KRTDAP: variants seen among roughly 807,000 people sequenced by gnomAD.
KRTDAP encodes keratinocyte differentiation associated protein.
KRTDAP carries 14 observed loss-of-function variants against 18.6 expected under a neutral mutation model. The observed-to-expected ratio is 0.75, with a 90% CI of 0.50 to 1.18. The LOEUF is 1.18. KRTDAP is among the 50% of genes most tolerant of loss of function. The probability of loss-of-function intolerance (pLI) is 0.00; values close to 1 mark genes in which losing one functional copy is unlikely to be tolerated. For missense variants in KRTDAP, 114 were observed against 121.3 expected, an observed-to-expected ratio of 0.94 and a Z score of 0.28; for synonymous variants, 53 against 49.5, an observed-to-expected ratio of 1.07 and a Z score of -0.29.
At chr19:35,489,820 A>T (rs1004495555) in intron 1 of KRTDAP, among the ~76,000 whole-genome samples, 1 of 152,144 alleles carries the variant, frequency 6.6e-6, no homozygotes, top group Non-Finnish European at 1.5e-5. Context: ...CAAATGAAGC[A>T]AAGAGGAGCT....
intron 2 of KRTDAP, 39 bp from the exon 3 acceptor site, chr19:35,488,742 A>G: frequency 6.2e-7 from 1 of 1,614,192 alleles, no homozygotes; most frequent in Middle Eastern, 1.6e-4. Flanking sequence ...GTTGCTAAGA[A>G]GCAAAAAGAG....
intron 4 of KRTDAP, among the ~76,000 whole-genome samples, chr19:35,488,088 C>T (rs1037794192): frequency 2.0e-5 from 3 of 152,166 alleles, no homozygotes; most frequent in Admixed American, 6.5e-5. Flanking sequence ...AGTCAGGAGA[C>T]GCGGGCCCCA....
Position 35,488,450 on chromosome 19 carries a change from G to A in KRTDAP, c.204C>T (p.Ala68=), listed in dbSNP as rs767638595. The A allele has an allele frequency of 2.5e-6, 4 of 1,612,940 alleles. No homozygotes were observed. Among genetic ancestry groups the A allele is most frequent in the South Asian group, 2.2e-5 (2 of 90,818 alleles). Residue 68 remains alanine (A), a synonymous_variant, in exon 4 of 6, where the codon GCC becomes GCT. Coordinates refer to ENST00000338897, the MANE Select transcript of KRTDAP (RefSeq NM_207392.3). Reference sequence around the variant, plus strand: ...GCGCCGGAGCACTCACCTCAAAGAGGGCGTGCCAGTTCAGGAACTCATCAG... The same window carrying A: ...GCGCCGGAGCACTCACCTCAAAGAGAGCGTGCCAGTTCAGGAACTCATCAG... ...FKADEFLNWH[A]LFESIKRKLP... is the part of the protein sequence containing the mutation.
At chr19:35,489,706 G>C (rs1042094331) in intron 1 of KRTDAP, among the ~76,000 whole-genome samples, 1 of 152,064 alleles carries the variant, frequency 6.6e-6, no homozygotes, top group Admixed American at 6.6e-5. Context: ...TAGGCATCAG[G>C]ATTCCTCTCT....
At chr19:35,489,567 C>T (rs758415747) in intron 1 of KRTDAP, among the ~76,000 whole-genome samples, 209 of 152,292 alleles carry the variant, frequency 1.4e-3, no homozygotes, top group Admixed American at 2.1e-3. Flanking sequence ...GTGAAAGCTG[C>T]CCTTTCAGAC....
Position 35,487,758 on chromosome 19 carries a change from G to T in KRTDAP, c.215C>A (p.Ser72Tyr). 1 of 1,611,826 alleles carries T rather than the reference G, an allele frequency of 6.2e-7. No individual in the cohort carries two copies. The highest frequency in any genetic ancestry group is 1.1e-5 in the South Asian group (1 of 91,032). ...GAGGAAAGGAAGTTTCCTTTTGATA[G>T]ACTAAAAGAAAGAAAGAGAAAGAGA... ...EFLNWHALFE[S>Y]IKRKLPFLNW... Residue 72 changes from serine (S) to tyrosine (Y), a missense_variant and splice_region_variant, in exon 5 of 6, where the codon TCT (serine) becomes TAT (tyrosine). Transcript: ENST00000338897.
At chr19:35,488,952 C>T (rs921209214) in intron 1 of KRTDAP, 112 bp from the exon 2 acceptor site, 8 of 984,474 alleles carry the variant, frequency 8.1e-6, no homozygotes, top group East Asian at 2.4e-5. Flanking sequence ...CCCGAAAGAA[C>T]GCAACCCATT....
intron 5 of KRTDAP, 113 bp from the exon 6 acceptor site, chr19:35,487,579 TA>T (rs2067498202): frequency 3.4e-6 from 4 of 1,169,184 alleles, no homozygotes. Context: ...CCTCTATATG[TA>T]GTAGCTAAGA....
At chr19:35,488,376 G>C in intron 4 of KRTDAP, 65 bp downstream of exon 4, 1 of 1,537,346 alleles carries the variant, frequency 6.5e-7, no homozygotes, top group South Asian at 1.2e-5. Context: ...AAGCCAAAAT[G>C]TGTGGCCACT....
chr19:35,488,768 G>A (rs1164116826), intron 2 of KRTDAP, 34 bp downstream of exon 2: 4 of 1,614,136 alleles, frequency 2.5e-6, no homozygotes, highest in South Asian at 1.1e-5. Context: ...GGACAGACTC[G>A]TGGCTGGAGG....
At chr19:35,489,617 C>A (rs1007567) in intron 1 of KRTDAP, among the ~76,000 whole-genome samples, 8 of 152,116 alleles carry the variant, frequency 5.3e-5, no homozygotes, top group East Asian at 3.9e-4. Context: ...CCCTGACAGC[C>A]CCCCCAGCTC....
chr19:35,490,463 C>T lies in KRTDAP; in HGVS notation c.-21G>A. 2 of 1,553,622 alleles carry T rather than the reference C, an allele frequency of 1.3e-6. No individual in the cohort carries two copies. Among genetic ancestry groups the T allele is most frequent in the Non-Finnish European group, 1.8e-6 (2 of 1,127,534 alleles). The stretch of plus-strand genomic sequence containing the variant: ...TTCATGGCGTCAAGTTTGGGGTGCT[C>T]TGAGGCGGGGCCTCAGTGCTTGCTC... On this transcript the variant is annotated 5_prime_UTR_variant, in exon 1 of 6. Coordinates refer to ENST00000338897, the MANE Select transcript of KRTDAP (RefSeq NM_207392.3).
rs566867269 is a variant in KRTDAP at position 35,488,030 on chromosome 19, G to C, written c.214-271C>G. On this transcript the variant is annotated intron_variant, in intron 4 of 5. Transcript: ENST00000338897. Reference sequence around the variant, plus strand: ...CCACATCACAGAGGAAGCGGAGGCCGAGGGAGCTGAAGGCGTTCGCATGAG... The same window carrying C: ...CCACATCACAGAGGAAGCGGAGGCCCAGGGAGCTGAAGGCGTTCGCATGAG... 3.9e-5 allele frequency among the ~76,000 whole-genome samples: 6 copies of C among 152,330 alleles called. No homozygotes were observed. The East Asian group carries it at 7.7e-4, about 20-fold the overall frequency.
In KRTDAP at chr19:35,488,614, T is replaced by G. The variant is rs775199246; in HGVS notation, c.168+48A>C. 1.9e-6 allele frequency: 3 copies of G among 1,613,074 alleles called. No homozygotes were observed. The East Asian group carries it at 6.7e-5, about 36-fold the overall frequency. ...GCTCTCTACCAAGGCGTTTATCCCC[T>G]CTGTGATGAGGGTATTCGTGGGGGT... On this transcript the variant is annotated intron_variant, in intron 3 of 5. Coordinates refer to ENST00000338897, the MANE Select transcript of KRTDAP (RefSeq NM_207392.3).
In KRTDAP at chr19:35,490,434, G is replaced by T. The variant is rs778904107; in HGVS notation, c.9C>A (p.Ile3=). The T allele has an allele frequency of 1.2e-6, 2 of 1,612,702 alleles. No homozygotes were observed. The highest frequency in any genetic ancestry group is 1.7e-6 in the Non-Finnish European group (2 of 1,179,212). ...GGAGCACCACGGCAGGAAGGACCGG[G>T]ATCTTCATGGCGTCAAGTTTGGGGT... MK[I]PVLPAVVLLS... The change falls in exon 1 of 6, where the codon ATC becomes ATA. Residue 3 remains isoleucine (I), a synonymous_variant. Transcript: ENST00000338897.
At chr19:35,490,096 C>T (rs2067513914) in intron 1 of KRTDAP, among the ~76,000 whole-genome samples, 1 of 152,046 alleles carries the variant, frequency 6.6e-6, no homozygotes, top group Non-Finnish European at 1.5e-5. Context: ...GAACCCAGAC[C>T]ACCCACTCAG....
intron 4 of KRTDAP, 99 bp from the exon 5 acceptor site, chr19:35,487,858 C>G: frequency 1.3e-6 from 1 of 755,250 alleles, no homozygotes; most frequent in Non-Finnish European, 2.3e-6. Context: ...ACCATAGTAA[C>G]AATAATGTCA....
chr19:35,488,409 C>CCGAGGAGGG, intron 4 of KRTDAP, 32 bp downstream of exon 4: 2 of 1,608,484 alleles, frequency 1.2e-6, no homozygotes, highest in Non-Finnish European at 8.5e-7. Context: ...CTGCAGACAA[C>CCGAGGAGGG]CGAGGAGGGC....
chr19:35,488,626 G>C (rs773458501), intron 3 of KRTDAP, 36 bp downstream of exon 3: 2 of 1,613,840 alleles, frequency 1.2e-6, no homozygotes, highest in Non-Finnish European at 1.7e-6. Context: ...TGTGATGAGG[G>C]TATTCGTGGG....
Sources: allele counts gnomAD v4.1 joint callset (sites outside exome capture counted in the v4.1 genomes callset), GRCh38; gene constraint gnomAD v4.1.1; transcripts MANE v1.5; gene names NCBI Gene and HGNC (gene_info 2026-07-23, HGNC 2026-07-21).